Variants in KMO observed in about 807,000 individuals in gnomAD.
KMO encodes kynurenine 3-monooxygenase.
Under a neutral mutation model 57.8 loss-of-function variants are expected in KMO, and 24 were observed. The observed-to-expected ratio is 0.42, with a 90% confidence interval of 0.30 to 0.58. KMO has a LOEUF of 0.58. KMO is among the 20% of genes least tolerant of loss of function. The probability of loss-of-function intolerance (pLI) is 0.22; values close to 1 mark genes in which losing one functional copy is unlikely to be tolerated. For synonymous variants in KMO, 210 were observed against 193.6 expected, an observed-to-expected ratio of 1.08 and a Z score of -0.70; for missense variants, 483 against 588.2, an observed-to-expected ratio of 0.82 and a Z score of 1.85.
chr1:241,547,943 T>G (rs906448908), intron 1 of KMO, among the ~76,000 whole-genome samples: 13 of 152,118 alleles, frequency 8.5e-5, no homozygotes, highest in Admixed American at 5.2e-4. Flanking sequence ...AAGTGTCCTT[T>G]GACAGTAGGG....
chr1:241,586,671 T>C lies in KMO; in HGVS notation c.958-8T>C. The stretch of plus-strand genomic sequence containing the variant: ...GTTTCTTATTTCTCTTTTTTTTTCT[T>C]GTTTCAGGGCTTTGAAGACTGCTTG... On this transcript the variant is annotated splice_polypyrimidine_tract_variant and splice_region_variant and intron_variant, in intron 10 of 14. Coordinates refer to ENST00000366559, the MANE Select transcript of KMO (RefSeq NM_003679.5). The C allele has an allele frequency of 6.3e-7, 1 of 1,574,942 alleles. No homozygotes were observed. Among genetic ancestry groups the C allele is most frequent in the Non-Finnish European group, 8.6e-7 (1 of 1,158,582 alleles).
intron 9 of KMO, among the ~76,000 whole-genome samples, chr1:241,568,267 G>A (rs561715180): frequency 6.6e-6 from 1 of 152,138 alleles, no homozygotes; most frequent in Non-Finnish European, 1.5e-5. Flanking sequence ...TTATTCAAAT[G>A]CAGCCAAACT....
intron 4 of KMO, among the ~76,000 whole-genome samples, chr1:241,552,678 C>T (rs1661452994): frequency 6.6e-6 from 1 of 152,180 alleles, no homozygotes; most frequent in Non-Finnish European, 1.5e-5. Flanking sequence ...TGCTGAAGAC[C>T]TACGGGTCAT....
At chr1:241,559,168 G>T (rs1661746340) in intron 5 of KMO, among the ~76,000 whole-genome samples, 1 of 151,276 alleles carries the variant, frequency 6.6e-6, no homozygotes, top group African/African-American at 2.4e-5. Flanking sequence ...ATCAATATCA[G>T]AAAGTTATTC....
Position 241,593,288 on chromosome 1 carries a change from G to A in KMO, c.*1135G>A, listed in dbSNP as rs1663384302. On this transcript the variant is annotated 3_prime_UTR_variant, in exon 15 of 15. Coordinates refer to ENST00000366559, the MANE Select transcript of KMO (RefSeq NM_003679.5). ...ATTTATTCTTCGACTACATACTGCA[G>A]CAGAACCAGCAATACACTTGATTTT... 7.8e-6 allele frequency: 3 copies of A among 384,184 alleles called. No homozygotes were observed. Among genetic ancestry groups the A allele is most frequent in the Admixed American group, 7.5e-5 (3 of 39,806 alleles). 23.8% of individuals were successfully genotyped at this position (384,184 alleles called of 1,614,324 possible). A position where few individuals can be genotyped will look rare whatever the true frequency, so the allele number is the denominator to read the frequency against.
At chr1:241,541,402 T>C (rs1660953637) in intron 1 of KMO, among the ~76,000 whole-genome samples, 1 of 152,086 alleles carries the variant, frequency 6.6e-6, no homozygotes, top group African/African-American at 2.4e-5. Flanking sequence ...GAATACAGAA[T>C]ACAGAAGAAG....
intron 12 of KMO, among the ~76,000 whole-genome samples, chr1:241,589,068 C>G (rs1663140717): frequency 6.6e-6 from 1 of 152,136 alleles, no homozygotes; most frequent in Non-Finnish European, 1.5e-5. Flanking sequence ...TAGGAGGTAA[C>G]AAAACCTCTG....
At chr1:241,533,489 A>G (rs1660649057) in intron 1 of KMO, among the ~76,000 whole-genome samples, 2 of 152,080 alleles carry the variant, frequency 1.3e-5, no homozygotes, top group African/African-American at 2.4e-5. Context: ...TTCTTTTAAT[A>G]TTTCTGATTC....
At chr1:241,534,880 C>A (rs1660700749) in intron 1 of KMO, among the ~76,000 whole-genome samples, 1 of 152,196 alleles carries the variant, frequency 6.6e-6, no homozygotes, top group African/African-American at 2.4e-5. Context: ...CTTGTCTGAA[C>A]TAAGCCTATC....
chr1:241,580,814 T>G (rs916427076), intron 10 of KMO, among the ~76,000 whole-genome samples: 1 of 152,140 alleles, frequency 6.6e-6, no homozygotes, highest in East Asian at 1.9e-4. Context: ...GAAAAGAACA[T>G]GTATTCTGCC....
At chr1:241,590,428 T>C in intron 14 of KMO, 165 bp downstream of exon 14, 1 of 571,594 alleles carries the variant, frequency 1.7e-6, no homozygotes, top group Non-Finnish European at 3.1e-6. Context: ...CAGTGCTTAC[T>C]GAAAAACATT....
chr1:241,591,822 T>A, intron 14 of KMO, 131 bp from the exon 15 acceptor site: 5 of 705,462 alleles, frequency 7.1e-6, no homozygotes, highest in Non-Finnish European at 1.2e-5. Flanking sequence ...CTGGTGGTCA[T>A]GCAAGTAAAT....
Position 241,588,683 on chromosome 1 carries a change from G to T in KMO, c.1016-65G>T, listed in dbSNP as rs998152948. The T allele has an allele frequency of 4.4e-6, 5 of 1,137,464 alleles. No individual in the cohort carries two copies. In the African/African-American group the frequency reaches 7.7e-5, roughly 17 times the overall value. The allele number at this position is 1,137,464 out of a possible 1,614,324, so 70.5% of individuals were successfully genotyped here. On this transcript the variant is annotated intron_variant, in intron 11 of 14. Transcript: ENST00000366559. ...TGGTAGTGAACGTACCATTTAATTT[G>T]ACCTGTGTAGAGTTCAGCACATTTT...
chr1:241,548,958 G>A, intron 2 of KMO, 60 bp downstream of exon 2: 6 of 1,101,738 alleles, frequency 5.4e-6, no homozygotes, highest in Non-Finnish European at 8.4e-6. Flanking sequence ...TGGCACTTTG[G>A]GAGGCCAGGG....
At chr1:241,562,470 A>G (rs2147961295) in intron 7 of KMO, 138 bp downstream of exon 7, 1 of 775,978 alleles carries the variant, frequency 1.3e-6, no homozygotes, top group East Asian at 2.5e-5. Context: ...AATGAAGAAT[A>G]AATGGGATGC....
chr1:241,584,743 A>T (rs543678333), intron 10 of KMO, among the ~76,000 whole-genome samples: 1 of 152,302 alleles, frequency 6.6e-6, no homozygotes, highest in East Asian at 1.9e-4. Context: ...AATCTAATCA[A>T]TTATATTCTC....
intron 5 of KMO, among the ~76,000 whole-genome samples, chr1:241,558,514 T>C (rs1193010857): frequency 6.6e-6 from 1 of 152,212 alleles, no homozygotes; most frequent in Non-Finnish European, 1.5e-5. Flanking sequence ...CGGCATTTCA[T>C]GCGGGATTGT....
intron 12 of KMO, 125 bp from the exon 13 acceptor site, chr1:241,589,887 C>G (rs1663176764): frequency 1.3e-6 from 1 of 777,712 alleles, no homozygotes; most frequent in African/African-American, 1.7e-5. Context: ...ATTATGGAAA[C>G]AAAAAATTAT....
chr1:241,592,970 T>C lies in KMO; in HGVS notation c.*817T>C, dbSNP rs1663373622. ...GGTATTTTTCAGTAGAGACCGGGTCTTGCCATGCTGCCCAGGCCAGTCTCA... is the reference window on the plus strand; with the variant it reads ...GGTATTTTTCAGTAGAGACCGGGTCCTGCCATGCTGCCCAGGCCAGTCTCA... On this transcript the variant is annotated 3_prime_UTR_variant, in exon 15 of 15. Coordinates refer to ENST00000366559, the MANE Select transcript of KMO (RefSeq NM_003679.5). 1 of 157,474 alleles carries C rather than the reference T, an allele frequency of 6.4e-6. No homozygotes were observed. Among genetic ancestry groups the C allele is most frequent in the African/African-American group, 2.4e-5 (1 of 41,522 alleles). The allele number at this position is 157,474 out of a possible 1,614,324, so 9.8% of individuals were successfully genotyped here.
Sources: gnomAD v4.1 joint callset for allele counts (sites outside exome capture counted in the v4.1 genomes callset) on GRCh38, gnomAD v4.1.1 for gene constraint, MANE v1.5 for transcripts, NCBI Gene and HGNC (gene_info 2026-07-23, HGNC 2026-07-21) for gene names.